The following MAJIN variants were observed in gnomAD, a reference collection of about 807,000 sequenced individuals.
MAJIN encodes the protein membrane anchored junction protein.
Under a neutral mutation model 30.2 loss-of-function variants are expected in MAJIN, and 27 were observed. The observed-to-expected ratio is 0.89, with a 90% CI of 0.66 to 1.23. The LOEUF (loss-of-function observed/expected upper bound fraction) is 1.23, where lower values mean the gene tolerates loss of function less well. Ranked by LOEUF, MAJIN falls within the 50% of genes most tolerant of loss-of-function variation. The probability of loss-of-function intolerance (pLI) is 0.00; values close to 1 mark genes in which losing one functional copy is unlikely to be tolerated. For missense variants in MAJIN, 253 were observed against 260.3 expected (o/e 0.97, Z 0.19); for synonymous variants, 78 against 91.6 (o/e 0.85, Z 0.85).
intron 4 of MAJIN, among the ~76,000 whole-genome samples, chr11:64,952,798 A>G (rs1021954414): frequency 6.6e-6 from 1 of 151,506 alleles, no homozygotes; most frequent in African/African-American, 2.4e-5. Flanking sequence ...TCCGCCTCCC[A>G]GGTTCAAGCA....
At chr11:64,942,298 A>T (rs1270635079) in intron 8 of MAJIN, among the ~76,000 whole-genome samples, 1 of 151,252 alleles carries the variant, frequency 6.6e-6, no homozygotes, top group Non-Finnish European at 1.5e-5. Flanking sequence ...TTATTTCAAT[A>T]GGTTTTTGGG....
At chr11:64,948,604 TATATATATATA>T (rs1468785434) in intron 6 of MAJIN, among the ~76,000 whole-genome samples, 274 of 21,480 alleles carry the variant, frequency 0.013, 13 homozygotes, top group African/African-American at 0.017. Context: ...GGCTACATCA[TATATATATATA>T]TATATATATA....
chr11:64,938,610 G>A, intron 10 of MAJIN, 37 bp from the exon 11 acceptor site: 1 of 1,527,432 alleles, frequency 6.5e-7, no homozygotes, highest in Middle Eastern at 1.7e-4. Context: ...GAGACTCTAT[G>A]AGGTCTCCTT....
rs1945915140 is a variant in MAJIN at position 64,972,019 on chromosome 11, A to G, written c.-207T>C. 1 of 152,188 alleles carries G rather than the reference A, an allele frequency of 6.6e-6. No homozygotes were observed. The highest frequency in any genetic ancestry group is 1.5e-5 in the Non-Finnish European group (1 of 68,046). The allele number at this position is 152,188 out of a possible 1,614,324, so 9.4% of individuals were successfully genotyped here. Reference sequence around the variant, plus strand: ...AAAGGCGGGCGCCAACCTCGAACGAAGTCGTTTTGAGGGACTGGCTCGCCA... The same window carrying G: ...AAAGGCGGGCGCCAACCTCGAACGAGGTCGTTTTGAGGGACTGGCTCGCCA... On this transcript the variant is annotated 5_prime_UTR_variant, in exon 1 of 11. Coordinates refer to ENST00000301896, the MANE Select transcript of MAJIN (RefSeq NM_001037225.3).
intron 8 of MAJIN, among the ~76,000 whole-genome samples, chr11:64,943,901 C>T (rs967169252): frequency 6.6e-6 from 1 of 152,104 alleles, no homozygotes; most frequent in African/African-American, 2.4e-5. Flanking sequence ...TTTCTTACCC[C>T]CTAAAGGATG....
At chr11:64,963,577 A>C (rs240565) in intron 1 of MAJIN, among the ~76,000 whole-genome samples, 114,707 of 152,130 alleles carry the variant, frequency 0.75, 43,449 homozygotes, top group African/African-American at 0.77. Context: ...GTGGCTCACG[A>C]CTGTAATCTC....
In MAJIN at chr11:64,940,774, T is replaced by A. The variant is rs145327481; in HGVS notation, c.474-128A>T. On this transcript the variant is annotated intron_variant, in intron 8 of 10. Transcript: ENST00000301896. The stretch of plus-strand genomic sequence containing the variant: ...CCTGGCTTCTGACTGCCTAGACAGG[T>A]TCTATATTTCTTTCCATTTCTTTCC... 1.3e-3 allele frequency: 932 copies of A among 704,884 alleles called. 4 individuals carry two copies. In the African/African-American group the frequency reaches 0.015, roughly 11 times the overall value. 43.7% of individuals were successfully genotyped at this position (704,884 alleles called of 1,614,324 possible). A position where few individuals can be genotyped will look rare whatever the true frequency, so the allele number is the denominator to read the frequency against.
chr11:64,940,733 C>A, intron 8 of MAJIN, 87 bp from the exon 9 acceptor site: 1 of 1,185,434 alleles, frequency 8.4e-7, no homozygotes, highest in Non-Finnish European at 1.2e-6. Context: ...GAACTGATTT[C>A]ATATCAGCAC....
At chr11:64,966,467 G>A (rs902451351) in intron 1 of MAJIN, among the ~76,000 whole-genome samples, 3 of 152,078 alleles carry the variant, frequency 2.0e-5, no homozygotes, top group Admixed American at 6.6e-5. Flanking sequence ...CCCAGGAGGC[G>A]GAGGTTGCAG....
At chr11:64,948,612 T>C (rs1945489967) in intron 6 of MAJIN, among the ~76,000 whole-genome samples, 1 of 33,020 alleles carries the variant, frequency 3.0e-5, no homozygotes, top group African/African-American at 1.8e-4. Context: ...CATATATATA[T>C]ATATATATAT....
chr11:64,971,283 CA>C (rs1945898242), intron 1 of MAJIN, among the ~76,000 whole-genome samples: 1 of 151,962 alleles, frequency 6.6e-6, no homozygotes. Context: ...AAAAATTAGC[CA>C]GGAGTGGCGG....
chr11:64,967,323 T>C (rs1945827548), intron 1 of MAJIN, among the ~76,000 whole-genome samples: 1 of 151,836 alleles, frequency 6.6e-6, no homozygotes, highest in Non-Finnish European at 1.5e-5. Flanking sequence ...GGAGAATCAC[T>C]TGAACTCAGG....
intron 3 of MAJIN, among the ~76,000 whole-genome samples, chr11:64,955,413 G>A (rs1945616209): frequency 1.3e-5 from 2 of 152,118 alleles, no homozygotes; most frequent in Admixed American, 6.6e-5. Flanking sequence ...TGCATAAAGC[G>A]CTTCTGCTGC....
At chr11:64,961,384 C>T (rs980548090) in intron 1 of MAJIN, among the ~76,000 whole-genome samples, 1 of 149,982 alleles carries the variant, frequency 6.7e-6, no homozygotes, top group African/African-American at 2.5e-5. Context: ...CCAGACTGGT[C>T]TTGAAGTCCT....
intron 4 of MAJIN, chr11:64,954,544 G>A: frequency 3.0e-6 from 2 of 674,502 alleles, no homozygotes; most frequent in South Asian, 1.5e-5. Context: ...AGCCTCAAAG[G>A]TGCTGACATT....
chr11:64,954,791 A>G lies in MAJIN; in HGVS notation c.113T>C (p.Ile38Thr), dbSNP rs143048018. ...RYGKSIRGEE[I>T]ENKEVITQEL... ...CTGGGTGATGACTTCCTTATTTTCT[A>G]TCTCTTCTCCTCTAGAAGGTAAACA... Residue 38 changes from isoleucine (I) to threonine (T), a missense_variant, in exon 4 of 11, where the codon ATA becomes ACA. Ile to Thr is a moderately conservative substitution (Grantham distance 89). Transcript: ENST00000301896. The G allele has an allele frequency of 1.4e-5, 23 of 1,612,356 alleles. No individual in the cohort carries two copies. The highest frequency in any genetic ancestry group is 1.8e-5 in the Non-Finnish European group (21 of 1,179,358).
intron 1 of MAJIN, among the ~76,000 whole-genome samples, chr11:64,960,959 A>T (rs1945711595): frequency 6.6e-6 from 1 of 152,230 alleles, no homozygotes; most frequent in Non-Finnish European, 1.5e-5. Context: ...TAGTTGTGCC[A>T]ACTGCAAAGT....
At chr11:64,948,627 ATATATATATATATTTTTTTTTTTTTTTTT>A (rs1167664518) in intron 6 of MAJIN, among the ~76,000 whole-genome samples, 5 of 41,806 alleles carry the variant, frequency 1.2e-4, no homozygotes, top group African/African-American at 6.7e-4. Context: ...ATATATATAT[ATATATATATATATTTTTTTTTTTTTTTTT>A]TTTTTTTTTT....
chr11:64,945,154 G>A (rs1321035824), intron 8 of MAJIN, among the ~76,000 whole-genome samples: 13 of 152,008 alleles, frequency 8.6e-5, no homozygotes, highest in African/African-American at 1.9e-4. Flanking sequence ...TCAGGAGATC[G>A]AGACCATCCT....
Sources: gnomAD v4.1 joint callset for allele counts (sites outside exome capture counted in the v4.1 genomes callset) on GRCh38, gnomAD v4.1.1 for gene constraint, MANE v1.5 for transcripts, NCBI Gene and HGNC (gene_info 2026-07-23, HGNC 2026-07-21) for gene names.